The following VAV2 variants were observed in gnomAD, a reference collection of about 807,000 sequenced individuals.
VAV2 encodes the protein vav guanine nucleotide exchange factor 2.
VAV2 carries 67 observed loss-of-function variants against 132.5 expected under a neutral mutation model. That is an observed-to-expected ratio of 0.51 (90% CI 0.42 to 0.62). The LOEUF is 0.62. Among genes scored for constraint, VAV2 ranks in the 20% least tolerant of loss-of-function variants. The pLI is 0.00. For missense variants in VAV2, 938 were observed against 1,153.6 expected (o/e 0.81, Z 2.71); for synonymous variants, 492 against 443.5 (o/e 1.11, Z -1.37).
chr9:133,909,098 C>A (rs147907457), intron 2 of VAV2, among the ~76,000 whole-genome samples: 1 of 152,344 alleles, frequency 6.6e-6, no homozygotes, highest in African/African-American at 2.4e-5. Flanking sequence ...GCACCCCTAG[C>A]AATCGCGAGG....
chr9:133,956,492 G>A (rs1841785266), intron 1 of VAV2, among the ~76,000 whole-genome samples: 1 of 152,118 alleles, frequency 6.6e-6, no homozygotes, highest in Admixed American at 6.5e-5. Context: ...TTTTTCCAAC[G>A]AGTAGACATT....
intron 21 of VAV2, 82 bp from the exon 22 acceptor site, chr9:133,778,971 T>C: frequency 6.4e-7 from 1 of 1,558,326 alleles, no homozygotes; most frequent in Non-Finnish European, 8.7e-7. Flanking sequence ...GCCCACCCCA[T>C]CACCAAGCTC....
At position 133,802,161 on chromosome 9, in the gene VAV2, T is replaced by C. The variant is rs982081362; in HGVS notation, c.836+3920A>G. Among the ~76,000 whole-genome samples, 3 of 151,954 alleles carry C rather than the reference T, an allele frequency of 2.0e-5. No individual in the cohort carries two copies. The highest frequency in any genetic ancestry group is 2.9e-5 in the Non-Finnish European group (2 of 67,970). ...GAAAATGACAGTGACTCCAAGCCTA[T>C]TGGAGGAAGTCAGTTAAGGAGGCAA... On this transcript the variant is annotated intron_variant, in intron 9 of 29. Transcript: ENST00000371850. The surrounding 1 kb of genome is among the most constrained non-coding windows in gnomAD (Gnocchi z 5.8).
rs560666425 is a variant in VAV2, at chr9:133,954,650, G to A, written c.205-15431C>T. Among the ~76,000 whole-genome samples, 11 of 151,388 alleles carry A rather than the reference G, an allele frequency of 7.3e-5. No individual in the cohort carries two copies. The South Asian group carries it at 1.5e-3, about 20-fold the overall frequency. The stretch of plus-strand genomic sequence containing the variant: ...CGGGCGGGGGATGCTGCTGATGCTC[G>A]AGCAGGGCAAGGTCTGTGATGTGTG... On this transcript the variant is annotated intron_variant, in intron 1 of 29. Transcript: ENST00000371850.
At chr9:133,819,234 G>A (rs1390026130) in intron 4 of VAV2, among the ~76,000 whole-genome samples, 1 of 151,962 alleles carries the variant, frequency 6.6e-6, no homozygotes, top group Non-Finnish European at 1.5e-5. Flanking sequence ...CACGAGGTCA[G>A]GAGATCGAGA....
chr9:133,819,326 G>GT (rs1045384043), intron 4 of VAV2, among the ~76,000 whole-genome samples: 3 of 151,948 alleles, frequency 2.0e-5, no homozygotes, highest in Non-Finnish European at 4.4e-5. Flanking sequence ...GCGGGTGCCT[G>GT]TAGTCCCAGC....
Position 133,833,681 on chromosome 9 carries a change from C to T in VAV2, c.449+591G>A, listed in dbSNP as rs942599048. Among the ~76,000 whole-genome samples the T allele has an allele frequency of 9.9e-5, 15 of 152,174 alleles. No homozygotes were observed. The highest frequency in any genetic ancestry group is 2.1e-4 in the South Asian group (1 of 4,822). On this transcript the variant is annotated intron_variant, in intron 4 of 29. Transcript: ENST00000371850. The surrounding 1 kb of genome is among the most constrained non-coding windows in gnomAD (Gnocchi z 5.6). ...CCCTGGTCACAGATTCCCACGGTCC[C>T]GATGGGGCCCTGGTGCTGTGGCCAG... is the stretch of plus-strand genomic sequence containing the variant.
chr9:133,941,212 A>T (rs556443878), intron 1 of VAV2, among the ~76,000 whole-genome samples: 1 of 152,184 alleles, frequency 6.6e-6, no homozygotes, highest in East Asian at 1.9e-4. Flanking sequence ...GTTCAAGACC[A>T]GCCTGGCCAA....
chr9:133,977,338 C>T (rs1325909180), intron 1 of VAV2, among the ~76,000 whole-genome samples: 1 of 152,192 alleles, frequency 6.6e-6, no homozygotes, highest in Non-Finnish European at 1.5e-5. Flanking sequence ...TCTCCCGTCC[C>T]AGCAGAAAGA....
At chr9:133,866,972 G>C (rs1332734098) in intron 2 of VAV2, among the ~76,000 whole-genome samples, 1 of 152,120 alleles carries the variant, frequency 6.6e-6, no homozygotes, top group East Asian at 1.9e-4. Context: ...CTCCCCCTCG[G>C]AGCTGGGGCA....
chr9:133,901,379 G>A (rs1330460084), intron 2 of VAV2, among the ~76,000 whole-genome samples: 1 of 152,208 alleles, frequency 6.6e-6, no homozygotes, highest in Non-Finnish European at 1.5e-5. Context: ...GCAGAGTAAA[G>A]ATGGCTGCAC....
intron 2 of VAV2, among the ~76,000 whole-genome samples, chr9:133,882,725 G>A (rs943844248): frequency 5.9e-5 from 9 of 152,098 alleles, no homozygotes; most frequent in East Asian, 1.9e-4. Context: ...GAGAGTGGAC[G>A]CCAGAAAAAG....
At chr9:133,770,841 G>A (rs945452156) in intron 26 of VAV2, among the ~76,000 whole-genome samples, 3 of 152,320 alleles carry the variant, frequency 2.0e-5, no homozygotes, top group African/African-American at 7.2e-5. Context: ...CCAAGTGACA[G>A]AGAGCCATGC....
intron 1 of VAV2, among the ~76,000 whole-genome samples, chr9:133,978,701 T>C (rs1366879151): frequency 6.6e-6 from 1 of 152,234 alleles, no homozygotes; most frequent in Non-Finnish European, 1.5e-5. Flanking sequence ...TTGCAAAACC[T>C]GCAGCTGCCA....
chr9:133,772,619 C>T (rs1564330449), intron 25 of VAV2, among the ~76,000 whole-genome samples: 1 of 137,122 alleles, frequency 7.3e-6, no homozygotes, highest in Admixed American at 7.3e-5. Flanking sequence ...CCCCTGAATG[C>T]CACCCACCCC....
intron 2 of VAV2, among the ~76,000 whole-genome samples, chr9:133,899,244 G>A (rs939314529): frequency 6.6e-6 from 1 of 151,686 alleles, no homozygotes; most frequent in Non-Finnish European, 1.5e-5. Flanking sequence ...GAGACGACCT[G>A]AGGAGACCCA....
In VAV2 at chr9:133,935,078, G is replaced by A. The variant is rs1270185773; in HGVS notation, c.321+4025C>T. On this transcript the variant is annotated intron_variant, in intron 2 of 29. Transcript: ENST00000371850. The surrounding 1 kb of genome is among the most constrained non-coding windows in gnomAD (Gnocchi z 5.2). ...GTCAGTTCTGACTGCAGAGCTTTGT[G>A]TTCTGGGGAGAAACAGCTGCCACCC... 6.8e-6 allele frequency among the ~76,000 whole-genome samples: 1 copy of A among 146,894 alleles called. No individual in the cohort carries two copies. Among genetic ancestry groups the A allele is most frequent in the East Asian group, 2.2e-4 (1 of 4,630 alleles).
chr9:133,839,200 A>G (rs937621311), intron 3 of VAV2, among the ~76,000 whole-genome samples: 1 of 151,900 alleles, frequency 6.6e-6, no homozygotes, highest in African/African-American at 2.4e-5. Context: ...AAGTGGAAGG[A>G]TAGATAAATG....
intron 1 of VAV2, 125 bp from the exon 2 acceptor site, chr9:133,939,344 G>A (rs1841047587): frequency 3.5e-6 from 3 of 868,494 alleles, no homozygotes; most frequent in Admixed American, 3.6e-5. Flanking sequence ...GCTCATTCCT[G>A]TTTTCTCAAG....
Sources: allele counts gnomAD v4.1 joint callset (sites outside exome capture counted in the v4.1 genomes callset), GRCh38; gene constraint gnomAD v4.1.1; non-coding constraint Gnocchi (gnomAD v3.1); transcripts MANE v1.5; gene names NCBI Gene and HGNC (gene_info 2026-07-23, HGNC 2026-07-21).